Variants in LINGO2 observed in about 807,000 individuals in gnomAD.
The protein encoded by LINGO2 is leucine-rich repeat and immunoglobulin-like domain-containing nogo receptor-interacting protein 2.
In LINGO2, 14 loss-of-function variants were observed where a neutral mutation model predicts 30.6. The observed-to-expected ratio is 0.46, with a 90% CI of 0.30 to 0.72. The LOEUF (loss-of-function observed/expected upper bound fraction) is 0.72. LINGO2 is among the 30% of genes least tolerant of loss of function. The probability of loss-of-function intolerance (pLI) is 0.07; values close to 1 mark genes in which losing one functional copy is unlikely to be tolerated. For missense variants in LINGO2, 729 were observed against 751.7 expected (o/e 0.97, Z 0.35); for synonymous variants, 317 against 288.5 (o/e 1.10, Z -1.00).
the LINGO2 span, among the ~76,000 whole-genome samples, chr9:29,144,766 A>C: frequency 6.6e-6 from 1 of 152,222 alleles, no homozygotes; most frequent in Middle Eastern, 3.4e-3. Flanking sequence ...AATATGAGTG[A>C]CTAGTTTCCA....
At chr9:28,627,045 T>C (rs1230170516) in intron 1 of LINGO2, among the ~76,000 whole-genome samples, 1 of 152,046 alleles carries the variant, frequency 6.6e-6, no homozygotes, top group Non-Finnish European at 1.5e-5. Flanking sequence ...ACGGTTGTTT[T>C]TGAGTTTGTG....
rs576927717 is a variant in LINGO2 at position 28,494,340 on chromosome 9, C to T, written c.-364-18315G>A. On this transcript the variant is annotated intron_variant, in intron 1 of 5. Coordinates refer to ENST00000379992, the Ensembl canonical transcript of LINGO2. Reference sequence around the variant, plus strand: ...CCATGAACTGGTCATTTACATTAGGCGTATCTCCTAATGTTATCCCTCCTC... The same window carrying T: ...CCATGAACTGGTCATTTACATTAGGTGTATCTCCTAATGTTATCCCTCCTC... Among the ~76,000 whole-genome samples the T allele has an allele frequency of 1.2e-4, 19 of 152,082 alleles. 1 individual carries two copies. Among genetic ancestry groups the T allele is most frequent in the South Asian group, 4.2e-4 (2 of 4,814 alleles).
intron 2 of LINGO2, among the ~76,000 whole-genome samples, chr9:28,438,432 G>A (rs149553335): frequency 1.3e-5 from 2 of 152,200 alleles, no homozygotes; most frequent in East Asian, 1.9e-4. Context: ...AAACATCAGA[G>A]CTCCTGATTC....
chr9:28,427,025 G>C (rs1260676445), intron 2 of LINGO2, among the ~76,000 whole-genome samples: 3 of 151,988 alleles, frequency 2.0e-5, no homozygotes, highest in Non-Finnish European at 1.5e-5. Context: ...TTAGCATATA[G>C]AGGCATTTTA....
the LINGO2 span, among the ~76,000 whole-genome samples, chr9:28,805,171 C>A: frequency 6.6e-5 from 10 of 152,084 alleles, no homozygotes; most frequent in African/African-American, 2.4e-4. Context: ...CAGAAATTTG[C>A]CATTACAATA....
chr9:28,993,882 C>T, the LINGO2 span, among the ~76,000 whole-genome samples: 4 of 152,030 alleles, frequency 2.6e-5, no homozygotes, highest in South Asian at 2.1e-4. Flanking sequence ...ATAATTAGAG[C>T]TATCTATGAC....
intron 3 of LINGO2, among the ~76,000 whole-genome samples, chr9:28,345,221 T>C (rs1218184442): frequency 6.6e-6 from 1 of 152,174 alleles, no homozygotes; most frequent in African/African-American, 2.4e-5. Flanking sequence ...CAGTAATTAA[T>C]TGTGGCTATT....
the LINGO2 span, among the ~76,000 whole-genome samples, chr9:28,826,629 A>G: frequency 2.6e-5 from 4 of 152,360 alleles, no homozygotes; most frequent in South Asian, 8.3e-4. Flanking sequence ...TAATGCTGAC[A>G]ATAAACACTG....
intron 3 of LINGO2, among the ~76,000 whole-genome samples, chr9:28,344,340 T>A (rs2134405103): frequency 6.6e-6 from 1 of 152,232 alleles, no homozygotes. Context: ...AACAGGGATT[T>A]AAAGAAGCAG....
the LINGO2 span, among the ~76,000 whole-genome samples, chr9:29,117,039 G>T: frequency 6.6e-6 from 1 of 152,156 alleles, no homozygotes; most frequent in Non-Finnish European, 1.5e-5. Flanking sequence ...AATGAGAGTA[G>T]TATCTCCTTT....
At chr9:28,410,306 T>G (rs1026775959) in intron 2 of LINGO2, among the ~76,000 whole-genome samples, 1 of 152,134 alleles carries the variant, frequency 6.6e-6, no homozygotes, top group South Asian at 2.1e-4. Flanking sequence ...AGGATTTACA[T>G]GAACTACTCA....
chr9:28,319,501 T>C (rs1047067962), intron 3 of LINGO2, among the ~76,000 whole-genome samples: 3 of 147,300 alleles, frequency 2.0e-5, no homozygotes, highest in African/African-American at 7.8e-5. Flanking sequence ...GATTAGGGTG[T>C]GAACATCTTG....
chr9:28,190,739 G>T (rs976800879), intron 4 of LINGO2, among the ~76,000 whole-genome samples: 3 of 152,194 alleles, frequency 2.0e-5, no homozygotes, highest in Non-Finnish European at 4.4e-5. Context: ...ATTCTTTGTG[G>T]TTTTCTGTTC....
chr9:28,165,415 C>T (rs1346353935), intron 4 of LINGO2, among the ~76,000 whole-genome samples: 10 of 152,138 alleles, frequency 6.6e-5, no homozygotes, highest in Admixed American at 6.6e-4. Context: ...CATCACTGTC[C>T]TTCCACTAAT....
chr9:29,139,596 C>A, the LINGO2 span, among the ~76,000 whole-genome samples: 1 of 152,056 alleles, frequency 6.6e-6, no homozygotes, highest in Non-Finnish European at 1.5e-5. Context: ...TGGATCAATT[C>A]CCTTTGGAAA....
chr9:29,166,801 C>T, the LINGO2 span, among the ~76,000 whole-genome samples: 1 of 151,964 alleles, frequency 6.6e-6, no homozygotes, highest in African/African-American at 2.4e-5. Flanking sequence ...ATTATAGGTA[C>T]CTTAAAATCA....
At chr9:29,206,752 A>G in the LINGO2 span, among the ~76,000 whole-genome samples, 1 of 152,208 alleles carries the variant, frequency 6.6e-6, no homozygotes, top group Non-Finnish European at 1.5e-5. Flanking sequence ...TCTGCTTAAC[A>G]AGAACACAGA....
chr9:28,236,038 T>A (rs2133953796), intron 4 of LINGO2, among the ~76,000 whole-genome samples: 1 of 151,906 alleles, frequency 6.6e-6, no homozygotes, highest in East Asian at 1.9e-4. Context: ...CATGTAATAA[T>A]CAAACTCCCA....
chr9:28,602,202 A>G (rs1825514315), intron 1 of LINGO2, among the ~76,000 whole-genome samples: 1 of 152,122 alleles, frequency 6.6e-6, no homozygotes, highest in Non-Finnish European at 1.5e-5. Flanking sequence ...AAGGCAAGGA[A>G]TATGGGCTGT....
Sources: allele counts gnomAD v4.1 joint callset (sites outside exome capture counted in the v4.1 genomes callset), GRCh38; gene constraint gnomAD v4.1.1; transcripts MANE v1.5; gene names NCBI Gene and HGNC (gene_info 2026-07-23, HGNC 2026-07-21).